HCN1: variants seen among roughly 807,000 people sequenced by gnomAD.
HCN1 encodes the protein hyperpolarization activated cyclic nucleotide gated potassium channel 1, also known as potassium/sodium hyperpolarization-activated cyclic nucleotide-gated channel 1.
A neutral mutation model predicts 78.9 loss-of-function variants in HCN1; 13 were observed. The ratio of observed to expected loss-of-function variants is 0.16; its 90% confidence interval spans 0.11 to 0.26. HCN1 has a LOEUF of 0.26. Ranked by LOEUF, HCN1 falls within the 10% of genes least tolerant of loss-of-function variation. The pLI, the probability that HCN1 is intolerant of heterozygous loss-of-function variation, is 1.00. For synonymous variants in HCN1, 552 were observed against 455.5 expected, an observed-to-expected ratio of 1.21 and a Z score of -2.70; for missense variants, 810 against 1,154.3, an observed-to-expected ratio of 0.70 and a Z score of 4.32.
chr5:45,695,798 G>C lies in HCN1; in HGVS notation c.296C>G (p.Thr99Ser). The C allele has an allele frequency of 6.2e-7, 1 of 1,610,956 alleles. No individual in the cohort carries two copies. The highest frequency in any genetic ancestry group is 1.1e-5 in the South Asian group (1 of 91,078). Residue 99 changes from threonine (T) to serine (S), a missense_variant, in exon 1 of 8, where the codon ACC becomes AGC. By Grantham distance (58) the Thr-to-Ser change is moderately conservative. This residue lies in a region of HCN1 where 170 missense variants were observed against 166.8 expected (regional missense o/e 1.02). Coordinates refer to ENST00000303230, the MANE Select transcript of HCN1 (RefSeq NM_021072.4). The part of the protein sequence containing the change: ...RQYGFMQRQF[T>S]SMLQPGVNKF... ...GTTGACCCCGGGCTGCAGCATGGAGGTGAACTGCCTCTGCATGAAGCCGTA... is the reference window on the plus strand; with the variant it reads ...GTTGACCCCGGGCTGCAGCATGGAGCTGAACTGCCTCTGCATGAAGCCGTA...
intron 2 of HCN1, among the ~76,000 whole-genome samples, chr5:45,593,195 C>T (rs901870752): frequency 1.0e-4 from 14 of 139,372 alleles, no homozygotes; most frequent in South Asian, 4.7e-4. Flanking sequence ...CAGTTGCACG[C>T]GCGCATGCAC....
intron 4 of HCN1, among the ~76,000 whole-genome samples, chr5:45,369,122 T>C (rs1416222385): frequency 1.3e-5 from 2 of 151,584 alleles, no homozygotes; most frequent in Non-Finnish European, 2.9e-5. Flanking sequence ...CTGAGGACAA[T>C]GTTTCCAAGA....
At chr5:45,563,326 C>A (rs1354902030) in intron 2 of HCN1, among the ~76,000 whole-genome samples, 3 of 152,052 alleles carry the variant, frequency 2.0e-5, no homozygotes, top group South Asian at 4.1e-4. Flanking sequence ...GTGGCGGGTG[C>A]CTGTAATCCC....
At chr5:45,576,847 C>T (rs535073491) in intron 2 of HCN1, among the ~76,000 whole-genome samples, 1 of 151,982 alleles carries the variant, frequency 6.6e-6, no homozygotes, top group Non-Finnish European at 1.5e-5. Flanking sequence ...TGAACCAATT[C>T]ATCCCAATTT....
At chr5:45,569,040 A>T (rs1466747098) in intron 2 of HCN1, among the ~76,000 whole-genome samples, 1 of 151,982 alleles carries the variant, frequency 6.6e-6, no homozygotes, top group Non-Finnish European at 1.5e-5. Flanking sequence ...TCCTTTTATG[A>T]CTGGTGTCCT....
intron 5 of HCN1, among the ~76,000 whole-genome samples, chr5:45,322,253 T>C (rs1183821910): frequency 1.3e-5 from 2 of 151,862 alleles, no homozygotes; most frequent in Admixed American, 6.6e-5. Context: ...CCTAAACCCA[T>C]TGAAATTATA....
chr5:45,586,098 T>C (rs1013225335), intron 2 of HCN1, among the ~76,000 whole-genome samples: 14 of 152,136 alleles, frequency 9.2e-5, no homozygotes, highest in African/African-American at 3.4e-4. Flanking sequence ...GCTGCCTTTT[T>C]TTGGCTATGC....
intron 2 of HCN1, among the ~76,000 whole-genome samples, chr5:45,463,804 A>G (rs1392384599): frequency 6.6e-6 from 1 of 152,070 alleles, no homozygotes; most frequent in African/African-American, 2.4e-5. Flanking sequence ...ATATCTTAAT[A>G]TTTCCTGAGA....
chr5:45,347,472 A>C (rs954547985), intron 5 of HCN1, among the ~76,000 whole-genome samples: 5 of 152,354 alleles, frequency 3.3e-5, no homozygotes, highest in African/African-American at 1.2e-4. Flanking sequence ...CCTCCTCCAA[A>C]GGAACGCAGT....
At chr5:45,673,700 T>C (rs1440957183) in intron 1 of HCN1, among the ~76,000 whole-genome samples, 4 of 151,614 alleles carry the variant, frequency 2.6e-5, no homozygotes, top group African/African-American at 4.8e-5. Context: ...GATAAAGAAA[T>C]GTATTTGTCT....
In HCN1 at chr5:45,675,716, T is replaced by C. The variant is rs1333090426; in HGVS notation, c.425+19953A>G. On this transcript the variant is annotated intron_variant, in intron 1 of 7. Coordinates refer to ENST00000303230, the MANE Select transcript of HCN1 (RefSeq NM_021072.4). ...ATCTCTATAGCTCCCATCACCCACT[T>C]GCATCCAAGCAGTTTGTTCATTTCC... 2.0e-5 allele frequency among the ~76,000 whole-genome samples: 3 copies of C among 151,840 alleles called. No individual in the cohort carries two copies. In the East Asian group the frequency reaches 5.8e-4, roughly 29 times the overall value.
At chr5:45,520,022 T>C (rs1178581568) in intron 2 of HCN1, among the ~76,000 whole-genome samples, 1 of 151,998 alleles carries the variant, frequency 6.6e-6, no homozygotes, top group Non-Finnish European at 1.5e-5. Context: ...AAAATCTTAG[T>C]GGATAAAAAT....
chr5:45,273,759 CTG>C (rs1213114931), intron 6 of HCN1, among the ~76,000 whole-genome samples: 1 of 152,114 alleles, frequency 6.6e-6, no homozygotes, highest in Non-Finnish European at 1.5e-5. Flanking sequence ...TTCTAATTCA[CTG>C]TGTTATAATA....
chr5:45,496,573 C>A (rs538800296), intron 2 of HCN1, among the ~76,000 whole-genome samples: 1 of 152,016 alleles, frequency 6.6e-6, no homozygotes, highest in Admixed American at 6.6e-5. Context: ...TTTTTTATTG[C>A]GTCTATTTGA....
intron 4 of HCN1, among the ~76,000 whole-genome samples, chr5:45,374,474 C>A (rs1747556129): frequency 6.7e-6 from 1 of 149,384 alleles, no homozygotes; most frequent in Non-Finnish European, 1.5e-5. Flanking sequence ...CTTATACAGA[C>A]CAATAATGAG....
intron 3 of HCN1, among the ~76,000 whole-genome samples, chr5:45,451,481 T>G (rs546562742): frequency 2.0e-5 from 3 of 152,036 alleles, no homozygotes; most frequent in Non-Finnish European, 4.4e-5. Context: ...TCTCTTCTTT[T>G]TCCTTAAGAA....
chr5:45,635,608 A>G (rs1745342144), intron 2 of HCN1, among the ~76,000 whole-genome samples: 1 of 152,130 alleles, frequency 6.6e-6, no homozygotes, highest in African/African-American at 2.4e-5. Context: ...AATGGTCTAA[A>G]TGGCAGACTT....
chr5:45,596,313 G>C (rs928279862), intron 2 of HCN1, among the ~76,000 whole-genome samples: 1 of 152,106 alleles, frequency 6.6e-6, no homozygotes, highest in Non-Finnish European at 1.5e-5. Context: ...AATTAAAAAA[G>C]GCAGTGCATG....
At chr5:45,617,036 C>A (rs1345568841) in intron 2 of HCN1, among the ~76,000 whole-genome samples, 1 of 151,948 alleles carries the variant, frequency 6.6e-6, no homozygotes, top group Non-Finnish European at 1.5e-5. Context: ...GAGGTGGGAG[C>A]AGTGATTTCA....
Sources: allele counts gnomAD v4.1 joint callset (sites outside exome capture counted in the v4.1 genomes callset), GRCh38; gene constraint gnomAD v4.1.1; regional missense constraint gnomAD v4.1.1; transcripts MANE v1.5; gene names NCBI Gene and HGNC (gene_info 2026-07-23, HGNC 2026-07-21).